TUBGCP3: variants seen among roughly 807,000 people sequenced by gnomAD.
The protein encoded by TUBGCP3 is gamma-tubulin complex component 3.
A neutral mutation model predicts 123.1 loss-of-function variants in TUBGCP3; 50 were observed. The ratio of observed to expected loss-of-function variants is 0.41; its 90% CI spans 0.32 to 0.51. TUBGCP3 has a LOEUF of 0.51. Among genes scored for constraint, TUBGCP3 ranks in the 20% least tolerant of loss-of-function variants. The pLI is 0.36. For synonymous variants in TUBGCP3, 405 were observed against 413.9 expected, an observed-to-expected ratio of 0.98 and a Z score of 0.26; for missense variants, 882 against 1,127.0, an observed-to-expected ratio of 0.78 and a Z score of 3.11.
intron 20 of TUBGCP3, among the ~76,000 whole-genome samples, chr13:112,496,025 A>G (rs942391873): frequency 2.0e-5 from 3 of 152,202 alleles, no homozygotes; most frequent in Non-Finnish European, 2.9e-5. Flanking sequence ...TCAAAACTAT[A>G]CTGTTCCCAT....
intron 8 of TUBGCP3, among the ~76,000 whole-genome samples, chr13:112,549,271 T>A (rs1454183112): frequency 7.1e-6 from 1 of 139,876 alleles, no homozygotes; most frequent in African/African-American, 2.7e-5. Context: ...CACTCACAGG[T>A]GGGAATTGAA....
chr13:112,592,546 C>G (rs1238939492), upstream of TUBGCP3, among the ~76,000 whole-genome samples: 3 of 152,196 alleles, frequency 2.0e-5, no homozygotes, highest in African/African-American at 7.2e-5. This position sits in a 1 kb window ranked among gnomAD's most constrained non-coding sequence, Gnocchi z 4.1. Context: ...CAGAGAGCCC[C>G]TAACAAAAGG....
At chr13:112,495,478 G>T (rs1414511454) in intron 20 of TUBGCP3, among the ~76,000 whole-genome samples, 2 of 151,744 alleles carry the variant, frequency 1.3e-5, no homozygotes, top group Non-Finnish European at 2.9e-5. Context: ...GGTTTTACTT[G>T]GTATTAAATG....
intron 17 of TUBGCP3, among the ~76,000 whole-genome samples, chr13:112,507,613 C>G (rs942949514): frequency 1.3e-5 from 2 of 152,182 alleles, no homozygotes; most frequent in Non-Finnish European, 2.9e-5. Context: ...AGAAGCGGCT[C>G]AGTCCCATGA....
Position 112,516,484 on chromosome 13 carries a change from C to T in TUBGCP3, c.2042G>A (p.Arg681Gln), listed in dbSNP as rs1449067680. The T allele has an allele frequency of 2.5e-6, 4 of 1,613,266 alleles. No homozygotes were observed. Among genetic ancestry groups the T allele is most frequent in the East Asian group, 4.5e-5 (2 of 44,874 alleles). The change falls in exon 17 of 22, where the codon CGG (arginine) becomes CAG (glutamine). Residue 681 changes from arginine (R) to glutamine (Q), a missense_variant. This residue lies in a region of TUBGCP3 where 713 missense variants were observed against 874.0 expected (regional missense o/e 0.82). Transcript: ENST00000261965. ...CTTTGCATTGCACATGTGTCCCTTCCGTATGTCAGTGAGGATGTATTCCAT... is the reference window on the plus strand; with the variant it reads ...CTTTGCATTGCACATGTGTCCCTTCTGTATGTCAGTGAGGATGTATTCCAT... Reference protein sequence around the residue: ...KRMEYILTDIRKGHMCNAKLL... With the variant: ...KRMEYILTDIQKGHMCNAKLL...
intron 17 of TUBGCP3, among the ~76,000 whole-genome samples, chr13:112,510,328 T>C (rs1032039456): frequency 6.6e-6 from 1 of 151,714 alleles, no homozygotes; most frequent in African/African-American, 2.4e-5. Context: ...ATGATATTTG[T>C]TTTTTTTAGA....
At chr13:112,498,800 T>C (rs9549532) in intron 20 of TUBGCP3, 1,242,511 of 1,551,996 alleles carry the variant, frequency 0.8, 499,067 homozygotes, top group East Asian at 0.96. Context: ...GGGCAGGAGA[T>C]TTGTAATTCT....
Position 112,548,187 on chromosome 13 carries a change from G to T in TUBGCP3, c.967-11C>A. The stretch of plus-strand genomic sequence containing the variant: ...GGCAGCACAAAAGCTCTGTTTGGAG[G>T]AGAAATATAATTAAAGCACGACACA... On this transcript the variant is annotated splice_polypyrimidine_tract_variant and intron_variant, in intron 8 of 21. Coordinates refer to ENST00000261965, the MANE Select transcript of TUBGCP3 (RefSeq NM_006322.6). The T allele has an allele frequency of 6.3e-7, 1 of 1,594,088 alleles. No individual in the cohort carries two copies. The highest frequency in any genetic ancestry group is 1.3e-5 in the African/African-American group (1 of 74,764).
At position 112,511,157 on chromosome 13, in the gene TUBGCP3, A is replaced by G. The variant is rs1881649542; in HGVS notation, c.2086+5283T>C. Among the ~76,000 whole-genome samples the G allele has an allele frequency of 6.6e-6, 1 of 152,198 alleles. No homozygotes were observed. Among genetic ancestry groups the G allele is most frequent in the African/African-American group, 2.4e-5 (1 of 41,448 alleles). ...TATTATATGAATCATCAAGAAAGTA[A>G]AACAGTTGCCAGTCACACTGACAGA... On this transcript the variant is annotated intron_variant, in intron 17 of 21. Transcript: ENST00000261965. The surrounding 1 kb of genome is among the most constrained non-coding windows in gnomAD (Gnocchi z 4.1).
At chr13:112,499,019 T>C (rs372780606) in intron 20 of TUBGCP3, 26 bp downstream of exon 20, 38 of 1,614,090 alleles carry the variant, frequency 2.4e-5, no homozygotes, top group Middle Eastern at 3.3e-4. Flanking sequence ...TTCAAATAGA[T>C]AAATTCACAA....
chr13:112,589,868 T>A (rs955864719), upstream of TUBGCP3, among the ~76,000 whole-genome samples: 1 of 152,206 alleles, frequency 6.6e-6, no homozygotes, highest in Non-Finnish European at 1.5e-5. Context: ...ATTAGCTCAA[T>A]CTAAATCTCC....
Position 112,522,309 on chromosome 13 carries a change from T to G in TUBGCP3, c.1745+11A>C, listed in dbSNP as rs375187493. 8.5e-6 allele frequency: 13 copies of G among 1,537,256 alleles called. No homozygotes were observed. Among genetic ancestry groups the G allele is most frequent in the Middle Eastern group, 3.5e-4 (2 of 5,752 alleles). On this transcript the variant is annotated intron_variant, in intron 14 of 21. Transcript: ENST00000261965. ...TATTACTTATTTATAGAAATCAAAA[T>G]AGTGCCTTACTTTAGCAAGTCCATT... is the stretch of plus-strand genomic sequence containing the variant.
intron 17 of TUBGCP3, among the ~76,000 whole-genome samples, chr13:112,506,478 T>C (rs1881316022): frequency 6.6e-6 from 1 of 152,258 alleles, no homozygotes; most frequent in Non-Finnish European, 1.5e-5. Context: ...TCCACAGTCA[T>C]GAGATGCACT....
chr13:112,560,148 A>G, intron 3 of TUBGCP3, among the ~76,000 whole-genome samples: 1 of 141,716 alleles, frequency 7.1e-6, no homozygotes, highest in African/African-American at 2.6e-5. Flanking sequence ...AAAAAAAAAA[A>G]GGCCGGGCGC....
At position 112,508,145 on chromosome 13, in the gene TUBGCP3, G is replaced by A. The variant is rs186757289; in HGVS notation, c.2087-3431C>T. 1.4e-3 allele frequency among the ~76,000 whole-genome samples: 212 copies of A among 152,074 alleles called. No individual in the cohort carries two copies. The highest frequency in any genetic ancestry group is 4.9e-3 in the African/African-American group (203 of 41,478). ...GGCCCCACCAGGTTTGCATTGCTTC[G>A]CTGTCATGGCTTTGGCTCTGCCTGT... On this transcript the variant is annotated intron_variant, in intron 17 of 21. Transcript: ENST00000261965. The surrounding 1 kb of genome is among the most constrained non-coding windows in gnomAD (Gnocchi z 4.2).
chr13:112,525,449 CTAA>C (rs1437181819), intron 13 of TUBGCP3, among the ~76,000 whole-genome samples: 1 of 152,220 alleles, frequency 6.6e-6, no homozygotes, highest in Non-Finnish European at 1.5e-5. Context: ...CAAGACCAGA[CTAA>C]TAAGCTCATG....
At chr13:112,604,649 A>G in the TUBGCP3 span, 1 of 152,186 alleles carries the variant, frequency 6.6e-6, no homozygotes, top group Non-Finnish European at 1.5e-5. Flanking sequence ...TGCTCCTAAG[A>G]TAATAAATGT....
chr13:112,577,635 TATTA>T (rs572849506), intron 1 of TUBGCP3, among the ~76,000 whole-genome samples: 198 of 152,344 alleles, frequency 1.3e-3, no homozygotes, highest in African/African-American at 4.3e-3. Flanking sequence ...AGTGTATCAT[TATTA>T]ATTAATTAAT....
intron 1 of TUBGCP3, among the ~76,000 whole-genome samples, chr13:112,572,622 C>G (rs975804853): frequency 6.6e-6 from 1 of 152,112 alleles, no homozygotes; most frequent in Non-Finnish European, 1.5e-5. Context: ...AATAGGGAGG[C>G]CTGAGGAGAG....
Sources: gnomAD v4.1 joint callset for allele counts (sites outside exome capture counted in the v4.1 genomes callset) on GRCh38, gnomAD v4.1.1 for gene constraint, gnomAD v4.1.1 regional missense constraint, Gnocchi (gnomAD v3.1) non-coding constraint, MANE v1.5 for transcripts, NCBI Gene and HGNC (gene_info 2026-07-23, HGNC 2026-07-21) for gene names.